Variants in NBPF8 observed in about 807,000 individuals in gnomAD.
NBPF8 encodes the protein NBPF family member NBPF8.
chr1:120,436,262 C>T (rs1200308320), upstream of NBPF8: 5 of 729,660 alleles, frequency 6.9e-6, no homozygotes, highest in Admixed American at 5.4e-5. Context: ...CCACAATCTA[C>T]CTCACTCTTA....
At chr1:120,428,364 G>A (rs1660780398) in intron 3 of NBPF8, among the ~76,000 whole-genome samples, 3 of 152,272 alleles carry the variant, frequency 2.0e-5, no homozygotes, top group South Asian at 2.1e-4. Context: ...AGAAACCAGA[G>A]TCACAGAATA....
exon 15 of NBPF8, chr1:120,454,089 G>A: frequency 6.2e-7 from 1 of 1,613,062 alleles, no homozygotes; most frequent in Non-Finnish European, 8.5e-7. Context: ...ATGTTGAATG[G>A]GAGGATGCTG....
At chr1:120,463,042 C>T (rs1661636171) in intron 21 of NBPF8, 76 bp downstream of exon 19, 6 of 619,556 alleles carry the variant, frequency 9.7e-6, no homozygotes, top group South Asian at 7.9e-5. Flanking sequence ...TTCCAAGTGG[C>T]CCTTACTGAC....
intron 19 of NBPF8, 114 bp downstream of exon 17, chr1:120,461,540 C>T: frequency 2.1e-6 from 1 of 475,660 alleles, no homozygotes; most frequent in South Asian, 2.0e-5. Flanking sequence ...ACAGGGAGGA[C>T]CTATAGGCAC....
upstream of NBPF8, among the ~76,000 whole-genome samples, chr1:120,415,566 G>A (rs1553245045): frequency 1.3e-5 from 2 of 152,302 alleles, no homozygotes; most frequent in African/African-American, 2.4e-5. Flanking sequence ...TCGGGGGCAC[G>A]TCCTCGTGTA....
At chr1:120,424,166 T>A (rs1461196807) in intron 1 of NBPF8, among the ~76,000 whole-genome samples, 1 of 152,092 alleles carries the variant, frequency 6.6e-6, no homozygotes, top group Non-Finnish European at 1.5e-5. Flanking sequence ...TTTCATTATA[T>A]TTACATTTTC....
intron 3 of NBPF8, among the ~76,000 whole-genome samples, chr1:120,431,190 C>T (rs1570930911): frequency 6.8e-6 from 1 of 147,586 alleles, no homozygotes; most frequent in East Asian, 2.0e-4. Context: ...AATAGATACT[C>T]ACATGTATGT....
In NBPF8 at chr1:120,465,139, C is replaced by T. The variant is rs1224974058; in HGVS notation, n.3460-124C>T. ...AGCCTTCAGGCCTCCTGAAATATAT[C>T]TCTCACAGTGTCCTATTCTTATGCT... On this transcript the variant is annotated intron_variant and non_coding_transcript_variant, in intron 23 of 24. Transcript: ENST00000583271. The T allele has an allele frequency of 1.2e-4, 23 of 195,932 alleles. 3 individuals carry two copies. Among genetic ancestry groups the T allele is most frequent in the Middle Eastern group, 1.4e-3 (1 of 702 alleles). The allele number at this position is 195,932 out of a possible 1,614,324, so 12.1% of individuals were successfully genotyped here.
chr1:120,462,133 G>A lies in NBPF8; in HGVS notation n.3010-13G>A. 2.4e-6 allele frequency: 1 copy of A among 419,662 alleles called. No homozygotes were observed. Among genetic ancestry groups the A allele is most frequent in the Non-Finnish European group, 4.2e-6 (1 of 240,866 alleles). 26.0% of individuals were successfully genotyped at this position (419,662 alleles called of 1,614,324 possible). On this transcript the variant is annotated splice_polypyrimidine_tract_variant and intron_variant and non_coding_transcript_variant, in intron 19 of 24. Transcript: ENST00000583271. ...CAGCTTAATATGTCTGTCCATGTCT[G>A]AACTTATTGCAGAAATTGAAAAGTA...
At chr1:120,430,924 T>C (rs1422978869) in intron 3 of NBPF8, among the ~76,000 whole-genome samples, 2 of 151,704 alleles carry the variant, frequency 1.3e-5, no homozygotes, top group African/African-American at 2.4e-5. Flanking sequence ...TCTTCGTAAA[T>C]TGATCTCCAG....
chr1:120,468,539 C>T (rs1456732286), downstream of NBPF8, among the ~76,000 whole-genome samples: 2 of 150,464 alleles, frequency 1.3e-5, no homozygotes, highest in Non-Finnish European at 3.0e-5. Flanking sequence ...TTGTGGGATT[C>T]GATTTTGTTC....
At chr1:120,432,994 C>G (rs1328619925), upstream of NBPF8, 2 of 152,092 alleles carry the variant, frequency 1.3e-5, no homozygotes, top group Non-Finnish European at 2.9e-5. Flanking sequence ...GATTAACAGC[C>G]AGAATCATTA....
At chr1:120,445,968 C>G in exon 8 of NBPF8, 5 of 1,024,144 alleles carry the variant, frequency 4.9e-6, no homozygotes, top group Non-Finnish European at 7.1e-6. Flanking sequence ...GGACAAGTCC[C>G]AGGGGCAGGA....
chr1:120,452,560 A>G (rs1661311639), intron 13 of NBPF8, among the ~76,000 whole-genome samples: 1 of 152,122 alleles, frequency 6.6e-6, no homozygotes, highest in South Asian at 2.1e-4. Flanking sequence ...TGGTCTCTGG[A>G]GCAAGAGGCA....
chr1:120,424,186 G>A (rs1660646019), intron 1 of NBPF8, among the ~76,000 whole-genome samples: 1 of 151,750 alleles, frequency 6.6e-6, no homozygotes, highest in Non-Finnish European at 1.5e-5. Flanking sequence ...CCTGTGTTTG[G>A]GACTTTATAT....
intron 15 of NBPF8, 138 bp from the exon 14 acceptor site, chr1:120,455,271 A>C (rs1338615072): frequency 1.6e-4 from 100 of 629,832 alleles, no homozygotes; most frequent in Non-Finnish European, 4.5e-5. Context: ...AATCTAGGAC[A>C]ACCTAGAATA....
chr1:120,468,605 A>G (rs1175790544), downstream of NBPF8, among the ~76,000 whole-genome samples: 1 of 150,484 alleles, frequency 6.6e-6, no homozygotes, highest in African/African-American at 2.5e-5. Flanking sequence ...CTTCACCATG[A>G]GTCTCCAGAG....
chr1:120,425,109 T>G (rs1337259436), intron 1 of NBPF8, among the ~76,000 whole-genome samples: 5 of 151,562 alleles, frequency 3.3e-5, no homozygotes, highest in Admixed American at 6.6e-5. Context: ...CCCCATGTGA[T>G]AGTCTGAAAT....
upstream of NBPF8, among the ~76,000 whole-genome samples, chr1:120,431,831 C>T (rs1336829550): frequency 4.0e-5 from 6 of 149,898 alleles, no homozygotes; most frequent in Non-Finnish European, 7.4e-5. Flanking sequence ...ACCTGAGGGG[C>T]GGGCTGCTAT....
Sources: gnomAD v4.1 joint callset for allele counts (sites outside exome capture counted in the v4.1 genomes callset) on GRCh38, gnomAD v4.1.1 for gene constraint, MANE v1.5 for transcripts, NCBI Gene and HGNC (gene_info 2026-07-23, HGNC 2026-07-21) for gene names.